DNMBP: variants seen among roughly 807,000 people sequenced by gnomAD.
The protein encoded by DNMBP is dynamin binding protein, also known as dynamin-binding protein.
A neutral mutation model predicts 150.0 loss-of-function variants in DNMBP; 87 were observed. The observed-to-expected ratio is 0.58, with a 90% CI of 0.49 to 0.69. The LOEUF (loss-of-function observed/expected upper bound fraction) is 0.69. DNMBP is among the 30% of genes least tolerant of loss of function. The pLI, the probability that DNMBP is intolerant of heterozygous loss-of-function variation, is 0.00. For missense variants in DNMBP, 1,774 were observed against 1,949.0 expected (o/e 0.91, Z 1.69); for synonymous variants, 711 against 750.4 (o/e 0.95, Z 0.86).
intron 1 of DNMBP, among the ~76,000 whole-genome samples, chr10:99,998,170 G>T (rs1212776683): frequency 6.6e-6 from 1 of 151,402 alleles, no homozygotes; most frequent in Non-Finnish European, 1.5e-5. Context: ...GGGAGGTGGA[G>T]GTTGCAATGA....
chr10:99,947,498 G>C (rs919538273), intron 4 of DNMBP, among the ~76,000 whole-genome samples: 2 of 151,642 alleles, frequency 1.3e-5, no homozygotes, highest in Admixed American at 6.6e-5. Context: ...CTTATAAGTG[G>C]GAGCTACACA....
intron 4 of DNMBP, among the ~76,000 whole-genome samples, chr10:99,942,080 G>A (rs2040307079): frequency 6.6e-6 from 1 of 152,116 alleles, no homozygotes. Context: ...TGCTCTAGCT[G>A]AACCAGTCTC....
intron 4 of DNMBP, among the ~76,000 whole-genome samples, chr10:99,915,009 G>A (rs867543692): frequency 2.0e-5 from 3 of 149,144 alleles, no homozygotes; most frequent in African/African-American, 5.0e-5. Context: ...CAGGAAAATC[G>A]CTTGAACCTG....
At chr10:99,959,847 C>T (rs926512736) in intron 3 of DNMBP, among the ~76,000 whole-genome samples, 8 of 137,436 alleles carry the variant, frequency 5.8e-5, no homozygotes, top group South Asian at 2.3e-4. Context: ...AGAGTGAGAC[C>T]GTGTCTCAAA....
chr10:99,941,076 G>A (rs2040293848), intron 4 of DNMBP, among the ~76,000 whole-genome samples: 1 of 152,024 alleles, frequency 6.6e-6, no homozygotes. Context: ...GTAGTGACGG[G>A]GTTTCACCAT....
chr10:99,879,682 G>A (rs2039332529), intron 16 of DNMBP, 129 bp downstream of exon 16: 5 of 1,455,610 alleles, frequency 3.4e-6, no homozygotes, highest in African/African-American at 1.4e-5. Flanking sequence ...GTGCTTGAAA[G>A]GTGTGTCTGT....
At chr10:99,891,045 G>A (rs778981689) in intron 11 of DNMBP, among the ~76,000 whole-genome samples, 2 of 151,224 alleles carry the variant, frequency 1.3e-5, no homozygotes, top group African/African-American at 2.5e-5. Flanking sequence ...TTGAATCCCT[G>A]CTTCAAACCT....
intron 1 of DNMBP, among the ~76,000 whole-genome samples, chr10:99,975,668 T>G (rs916851855): frequency 9.2e-5 from 14 of 152,248 alleles, no homozygotes; most frequent in African/African-American, 3.4e-4. Flanking sequence ...CTAATTATAA[T>G]TACATGCTGC....
intron 7 of DNMBP, 33 bp from the exon 8 acceptor site, chr10:99,898,793 C>G: frequency 1.2e-6 from 2 of 1,602,836 alleles, no homozygotes; most frequent in South Asian, 2.2e-5. Flanking sequence ...AGAAAAGAGA[C>G]AGTTTATTAG....
At chr10:99,905,588 G>A (rs1589410094) in intron 6 of DNMBP, among the ~76,000 whole-genome samples, 2 of 152,102 alleles carry the variant, frequency 1.3e-5, no homozygotes, top group African/African-American at 4.8e-5. Flanking sequence ...TTGGGAGGCT[G>A]AGGTGGGAGG....
intron 1 of DNMBP, among the ~76,000 whole-genome samples, chr10:99,984,954 C>A (rs1031357941): frequency 3.3e-5 from 5 of 152,142 alleles, no homozygotes; most frequent in African/African-American, 1.2e-4. Flanking sequence ...GTTGCCCAGG[C>A]TGGTCTTGAA....
intron 5 of DNMBP, 128 bp from the exon 6 acceptor site, chr10:99,908,222 G>A (rs1015228826): frequency 3.5e-5 from 23 of 652,536 alleles, no homozygotes; most frequent in Non-Finnish European, 5.1e-5. Flanking sequence ...TCACTTTCAT[G>A]AAGTTTCCAG....
At chr10:99,983,643 G>T (rs2040801559) in intron 1 of DNMBP, among the ~76,000 whole-genome samples, 1 of 152,188 alleles carries the variant, frequency 6.6e-6, no homozygotes, top group Non-Finnish European at 1.5e-5. Context: ...TACCCTGCGT[G>T]CCCCCAGGAC....
At chr10:99,912,715 G>C (rs555807914) in intron 4 of DNMBP, among the ~76,000 whole-genome samples, 1 of 152,172 alleles carries the variant, frequency 6.6e-6, no homozygotes, top group Admixed American at 6.5e-5. Context: ...CTCTTTAAAG[G>C]AGGGGGTTGT....
intron 15 of DNMBP, among the ~76,000 whole-genome samples, chr10:99,883,638 C>CAAAAAAAAAAAAAAAAAAAAAAAAAAA (rs71009782): frequency 3.0e-5 from 2 of 65,586 alleles, no homozygotes; most frequent in African/African-American, 5.0e-5. Flanking sequence ...AAGACTGCCA[C>CAAAAAAAAAAAAAAAAAAAAAAAAAAA]AAAAAAAAAA....
At chr10:99,923,836 G>A (rs919119434) in intron 4 of DNMBP, among the ~76,000 whole-genome samples, 2 of 152,092 alleles carry the variant, frequency 1.3e-5, no homozygotes, top group African/African-American at 4.8e-5. Flanking sequence ...TTTCCCTACA[G>A]TCTTTTCTAA....
intron 1 of DNMBP, among the ~76,000 whole-genome samples, chr10:99,984,244 G>C (rs1589449262): frequency 6.6e-6 from 1 of 152,228 alleles, no homozygotes; most frequent in East Asian, 1.9e-4. Flanking sequence ...TTACATTCAA[G>C]AAATATTTTC....
intron 1 of DNMBP, among the ~76,000 whole-genome samples, chr10:99,978,103 T>G (rs1286998531): frequency 6.6e-6 from 1 of 152,160 alleles, no homozygotes; most frequent in East Asian, 1.9e-4. Context: ...AGACAGCAAG[T>G]CTCCAAAGCC....
At chr10:99,949,077 G>A (rs929890414) in intron 4 of DNMBP, among the ~76,000 whole-genome samples, 5 of 152,116 alleles carry the variant, frequency 3.3e-5, no homozygotes, top group African/African-American at 1.2e-4. Context: ...GCACAGCACT[G>A]GTCTGACAAG....
Sources: gnomAD v4.1 joint callset for allele counts (sites outside exome capture counted in the v4.1 genomes callset) on GRCh38, gnomAD v4.1.1 for gene constraint, MANE v1.5 for transcripts, NCBI Gene and HGNC (gene_info 2026-07-23, HGNC 2026-07-21) for gene names.